EHMT1: variants seen among roughly 807,000 people sequenced by gnomAD.
EHMT1 encodes the protein histone-lysine N-methyltransferase EHMT1.
EHMT1 carries 15 observed loss-of-function variants against 147.2 expected under a neutral mutation model. That is an observed-to-expected ratio of 0.10 (90% CI 0.07 to 0.16). The LOEUF (loss-of-function observed/expected upper bound fraction) is 0.16, where lower values mean the gene tolerates loss of function less well. EHMT1 is among the 10% of genes least tolerant of loss of function. EHMT1 has a pLI of 1.00. For missense variants in EHMT1, 1,587 were observed against 1,772.4 expected (o/e 0.90, Z 1.88); for synonymous variants, 795 against 709.6 (o/e 1.12, Z -1.91).
intron 4 of EHMT1, 122 bp downstream of exon 4, chr9:137,728,651 G>A (rs932294066): frequency 2.9e-6 from 4 of 1,369,210 alleles, no homozygotes; most frequent in African/African-American, 1.4e-5. Flanking sequence ...GACTGTTGAC[G>A]TCAGCTGGCC....
At chr9:137,759,779 A>G (rs3123519) in intron 9 of EHMT1, among the ~76,000 whole-genome samples, 32,202 of 152,086 alleles carry the variant, frequency 0.21, 7,758 homozygotes, top group African/African-American at 0.59. Flanking sequence ...GTGGCCCGGG[A>G]CCCCAGAGGG....
chr9:137,717,038 C>G lies in EHMT1; in HGVS notation c.498C>G (p.Ser166Arg), dbSNP rs146037252. ...PGGAGKGRTP[S>R]AFPQTPAAPP... is the part of the protein sequence containing the mutation. ...GGGCTGGCAAAGGCAGGACTCCAAG[C>G]GCTTTTCCCCAGACGCCAGCCGCCC... The change falls in exon 3 of 27, where the codon AGC (serine) becomes AGG (arginine). Residue 166 changes from serine (S) to arginine (R), a missense_variant. Transcript: ENST00000460843. 2.5e-6 allele frequency: 4 copies of G among 1,606,600 alleles called. No individual in the cohort carries two copies. Among genetic ancestry groups the G allele is most frequent in the Non-Finnish European group, 2.6e-6 (3 of 1,175,596 alleles).
At chr9:137,706,171 G>A (rs1029797373) in intron 1 of EHMT1, among the ~76,000 whole-genome samples, 2 of 152,194 alleles carry the variant, frequency 1.3e-5, no homozygotes, top group African/African-American at 4.8e-5. Flanking sequence ...GGGGGTTGGC[G>A]AGTCCTGGAC....
chr9:137,654,342 C>T (rs910867959), intron 1 of EHMT1, among the ~76,000 whole-genome samples: 2 of 151,252 alleles, frequency 1.3e-5, no homozygotes, highest in Non-Finnish European at 2.9e-5. Context: ...CCAGCCTGGG[C>T]GACAGAGCGA....
chr9:137,630,715 T>G (rs921044053), intron 1 of EHMT1, among the ~76,000 whole-genome samples: 8 of 152,182 alleles, frequency 5.3e-5, no homozygotes, highest in African/African-American at 1.7e-4. Context: ...GTGTTTTTGG[T>G]AGCTGCATGG....
chr9:137,735,134 C>T (rs1362682684), intron 4 of EHMT1, among the ~76,000 whole-genome samples: 1 of 152,180 alleles, frequency 6.6e-6, no homozygotes, highest in African/African-American at 2.4e-5. Context: ...ATCATTGCAA[C>T]TTTGGTTTGT....
At chr9:137,646,646 G>C (rs1438130470) in intron 1 of EHMT1, among the ~76,000 whole-genome samples, 1 of 152,224 alleles carries the variant, frequency 6.6e-6, no homozygotes, top group Non-Finnish European at 1.5e-5. Flanking sequence ...GCGCAGTTCT[G>C]TTGTTTTCAC....
At chr9:137,793,344 G>A (rs2137161256) in intron 16 of EHMT1, among the ~76,000 whole-genome samples, 1 of 152,372 alleles carries the variant, frequency 6.6e-6, no homozygotes, top group Admixed American at 6.5e-5. Context: ...ATGAAAAGGT[G>A]TCCAGCATCA....
intron 22 of EHMT1, 174 bp from the exon 23 acceptor site, chr9:137,815,773 C>T: frequency 1.5e-6 from 1 of 672,450 alleles, no homozygotes; most frequent in Non-Finnish European, 2.7e-6. Context: ...GGAGGCTTCT[C>T]ATCCAAACCG....
intron 1 of EHMT1, among the ~76,000 whole-genome samples, chr9:137,645,473 G>A (rs954348153): frequency 1.3e-5 from 2 of 152,226 alleles, no homozygotes; most frequent in South Asian, 2.1e-4. Flanking sequence ...TGCACATGGC[G>A]TCTGCCTTGT....
chr9:137,671,520 C>CTTT lies in EHMT1; in HGVS notation c.22-39428_22-39426dup, dbSNP rs71493689. Among the ~76,000 whole-genome samples the CTTT allele has an allele frequency of 9.8e-4, 103 of 105,320 alleles. 2 individuals are homozygous for CTTT. The highest frequency in any genetic ancestry group is 2.7e-3 in the African/African-American group (82 of 29,856). 69.1% of individuals were successfully genotyped at this position (105,320 alleles called of 152,430 possible). ...CCCGAAGAGTTGGATCCTTTTCTTT[C>CTTT]TTTTTTTTTTTTTTTTTTTTTCGAG... On this transcript the variant is annotated intron_variant, in intron 1 of 26. Coordinates refer to ENST00000460843, the MANE Select transcript of EHMT1 (RefSeq NM_024757.5).
chr9:137,716,044 G>C (rs1564626164), intron 2 of EHMT1, among the ~76,000 whole-genome samples: 1 of 145,890 alleles, frequency 6.9e-6, no homozygotes, highest in African/African-American at 2.6e-5. Flanking sequence ...GGAGGAAATT[G>C]TGTTGGTGTC....
At position 137,740,498 on chromosome 9, in the gene EHMT1, C is replaced by T. The variant is rs139427562; in HGVS notation, c.824-2873C>T. Among the ~76,000 whole-genome samples, 339 of 152,322 alleles carry T rather than the reference C, an allele frequency of 2.2e-3. 2 individuals carry two copies. Among genetic ancestry groups the T allele is most frequent in the Non-Finnish European group, 3.0e-3 (201 of 68,030 alleles). ...TTTTCTTTCTCCTGGCCCCTGATGA[C>T]GCTGAATCCCAGCCGTCTGGCTCAG... is the stretch of plus-strand genomic sequence containing the variant. On this transcript the variant is annotated intron_variant, in intron 4 of 26. Transcript: ENST00000460843.
At chr9:137,720,689 A>G (rs1945859993) in intron 3 of EHMT1, among the ~76,000 whole-genome samples, 1 of 152,184 alleles carries the variant, frequency 6.6e-6, no homozygotes, top group Admixed American at 6.5e-5. Context: ...TCTTAAGATC[A>G]TCCAAGTTAC....
At chr9:137,815,537 C>A in intron 22 of EHMT1, 1 of 319,368 alleles carries the variant, frequency 3.1e-6, no homozygotes, top group South Asian at 2.8e-5. Context: ...GGCTGGGTCC[C>A]TCCACAGTTG....
intron 10 of EHMT1, chr9:137,764,279 G>A (rs1950064925): frequency 6.6e-6 from 1 of 152,428 alleles, no homozygotes; most frequent in South Asian, 2.1e-4. Flanking sequence ...GGCGACGTCT[G>A]CGTCAGCGCC....
intron 4 of EHMT1, among the ~76,000 whole-genome samples, chr9:137,737,409 A>G (rs1355769463): frequency 1.3e-5 from 2 of 152,212 alleles, no homozygotes; most frequent in Non-Finnish European, 2.9e-5. Context: ...TCAACGGGGG[A>G]AAGGACAGCT....
At chr9:137,730,716 G>T (rs1310896616) in intron 4 of EHMT1, among the ~76,000 whole-genome samples, 1 of 152,230 alleles carries the variant, frequency 6.6e-6, no homozygotes, top group African/African-American at 2.4e-5. Context: ...GTCCCCCTAG[G>T]CTGGTTCTGA....
At position 137,818,142 on chromosome 9, in the gene EHMT1, A is replaced by G; in HGVS notation, c.3540+4A>G. 1 of 1,614,080 alleles carries G rather than the reference A, an allele frequency of 6.2e-7. No homozygotes were observed. The highest frequency in any genetic ancestry group is 1.1e-5 in the South Asian group (1 of 91,068). On this transcript the variant is annotated splice_donor_region_variant and intron_variant, in intron 25 of 26. Transcript: ENST00000460843. ...CCTCTTTGATCTCGACAATAAGGTA[A>G]TGTGTTTTGTGGGGTTGGGGCCACG...
Sources: gnomAD v4.1 joint callset for allele counts (sites outside exome capture counted in the v4.1 genomes callset) on GRCh38, gnomAD v4.1.1 for gene constraint, MANE v1.5 for transcripts, NCBI Gene and HGNC (gene_info 2026-07-23, HGNC 2026-07-21) for gene names.